GLRA3: variants seen among roughly 807,000 people sequenced by gnomAD.
The protein encoded by GLRA3 is glycine receptor subunit alpha-3.
A neutral mutation model predicts 60.4 loss-of-function variants in GLRA3; 44 were observed. The observed-to-expected ratio is 0.73, with a 90% CI of 0.57 to 0.94. The LOEUF is 0.94. Among genes scored for constraint, GLRA3 ranks in the 40% least tolerant of loss-of-function variants. The pLI, the probability that GLRA3 is intolerant of heterozygous loss-of-function variation, is 0.00. For synonymous variants in GLRA3, 223 were observed against 192.9 expected (o/e 1.16, Z -1.29); for missense variants, 508 against 564.6 (o/e 0.90, Z 1.02).
intron 2 of GLRA3, among the ~76,000 whole-genome samples, chr4:174,785,936 GTTTTTTTTTTT>G (rs752488665): frequency 6.8e-5 from 7 of 103,478 alleles, no homozygotes; most frequent in South Asian, 3.5e-4. Flanking sequence ...TGCCTGGCTA[GTTTTTTTTTTT>G]TTTTTTTTTT....
At chr4:174,724,390 T>C (rs915216850) in intron 4 of GLRA3, among the ~76,000 whole-genome samples, 1 of 152,102 alleles carries the variant, frequency 6.6e-6, no homozygotes, top group African/African-American at 2.4e-5. Flanking sequence ...CTCTTCCCAG[T>C]TAACATCAAG....
chr4:174,707,148 G>C (rs1212608250), intron 5 of GLRA3, among the ~76,000 whole-genome samples: 1 of 152,064 alleles, frequency 6.6e-6, no homozygotes, highest in African/African-American at 2.4e-5. Flanking sequence ...AAAAGCAATT[G>C]TTGATTTTTT....
chr4:174,764,740 C>A (rs1352804), intron 3 of GLRA3, among the ~76,000 whole-genome samples: 12,091 of 151,702 alleles, frequency 0.08, 836 homozygotes, highest in East Asian at 0.38. Flanking sequence ...AACAACTTAA[C>A]CAAGTGGGAG....
At chr4:174,672,519 T>C (rs1202104881) in intron 7 of GLRA3, among the ~76,000 whole-genome samples, 1 of 152,052 alleles carries the variant, frequency 6.6e-6, no homozygotes, top group Non-Finnish European at 1.5e-5. Context: ...AGCACAAGCC[T>C]TGCATGTTTC....
intron 1 of GLRA3, among the ~76,000 whole-genome samples, chr4:174,811,310 G>A (rs146294356): frequency 1.3e-5 from 2 of 151,764 alleles, no homozygotes; most frequent in East Asian, 3.9e-4. Flanking sequence ...AATTTGGAAG[G>A]TAAAATTTTC....
intron 2 of GLRA3, among the ~76,000 whole-genome samples, chr4:174,783,880 A>C (rs1485919375): frequency 6.6e-6 from 1 of 152,108 alleles, no homozygotes; most frequent in Non-Finnish European, 1.5e-5. Context: ...TGGTACTGTA[A>C]ACTAGTTCAA....
chr4:174,748,287 G>C (rs564592199), intron 3 of GLRA3, among the ~76,000 whole-genome samples: 72 of 152,280 alleles, frequency 4.7e-4, no homozygotes, highest in Non-Finnish European at 8.1e-4. Context: ...TGTCAAGAAA[G>C]TTTAAGCTTA....
chr4:174,738,550 A>T (rs992992901), intron 3 of GLRA3, among the ~76,000 whole-genome samples: 7 of 152,204 alleles, frequency 4.6e-5, no homozygotes, highest in Non-Finnish European at 8.8e-5. Flanking sequence ...GGAAATTCAT[A>T]TTTTGTTGAA....
intron 1 of GLRA3, among the ~76,000 whole-genome samples, chr4:174,817,804 G>A (rs553988520): frequency 1.9e-4 from 29 of 152,064 alleles, no homozygotes; most frequent in African/African-American, 6.7e-4. Context: ...ATGGGGTTTC[G>A]TCATGTTGGC....
rs142734066 is a variant in GLRA3 at position 174,798,997 on chromosome 4, G to A, written c.72-10054C>T. On this transcript the variant is annotated intron_variant, in intron 1 of 9. Transcript: ENST00000274093. ...ATAGCTAAAACTTGATGGGCTACTA[G>A]GATCTTGATTCTTGTCACTGTCAGC... 1.4e-4 allele frequency among the ~76,000 whole-genome samples: 22 copies of A among 152,218 alleles called. No homozygotes were observed. The East Asian group carries it at 4.2e-3, about 29-fold the overall frequency.
chr4:174,648,404 C>A (rs193226013), intron 9 of GLRA3, among the ~76,000 whole-genome samples: 225 of 152,260 alleles, frequency 1.5e-3, no homozygotes, highest in Non-Finnish European at 8.8e-5. Context: ...GTAGAGGTTG[C>A]AGTGAGCCAA....
At chr4:174,783,392 T>C (rs1327300442) in intron 2 of GLRA3, among the ~76,000 whole-genome samples, 18 of 131,584 alleles carry the variant, frequency 1.4e-4, no homozygotes, top group Non-Finnish European at 2.9e-4. Flanking sequence ...GCATTACCAT[T>C]CAGGACATAG....
At chr4:174,739,370 C>A (rs571846780) in intron 3 of GLRA3, among the ~76,000 whole-genome samples, 1 of 152,272 alleles carries the variant, frequency 6.6e-6, no homozygotes, top group East Asian at 1.9e-4. Context: ...AACTAATGAA[C>A]TGTTGCATTT....
At chr4:174,731,444 G>C (rs1428431943) in intron 3 of GLRA3, among the ~76,000 whole-genome samples, 1 of 152,050 alleles carries the variant, frequency 6.6e-6, no homozygotes, top group East Asian at 1.9e-4. Context: ...AGAAGAAAAA[G>C]GGCCTTGTAC....
chr4:174,759,207 T>A lies in GLRA3; in HGVS notation c.267+7756A>T, dbSNP rs1034060327. On this transcript the variant is annotated intron_variant, in intron 3 of 9. Transcript: ENST00000274093. ...TGACAGGAAGAAATTAACATGTTAC[T>A]ATTCCTAGGTGGTGTAATTATATGA... Among the ~76,000 whole-genome samples, 5 of 152,076 alleles carry A rather than the reference T, an allele frequency of 3.3e-5. No individual in the cohort carries two copies. The East Asian group carries it at 5.8e-4, about 18-fold the overall frequency.
At chr4:174,735,852 C>T (rs1449443284) in intron 3 of GLRA3, among the ~76,000 whole-genome samples, 2 of 152,092 alleles carry the variant, frequency 1.3e-5, no homozygotes, top group African/African-American at 4.8e-5. Context: ...CGCCTGGCCT[C>T]ATTTTGTATA....
At chr4:174,660,578 C>A (rs779634960) in intron 7 of GLRA3, among the ~76,000 whole-genome samples, 10 of 152,070 alleles carry the variant, frequency 6.6e-5, no homozygotes, top group Non-Finnish European at 1.0e-4. Flanking sequence ...GCTAATCTTC[C>A]CATGCATGGA....
intron 7 of GLRA3, among the ~76,000 whole-genome samples, chr4:174,672,516 G>A (rs1733947338): frequency 6.6e-6 from 1 of 152,028 alleles, no homozygotes; most frequent in Non-Finnish European, 1.5e-5. Context: ...CTGAGCACAA[G>A]CCTTGCATGT....
chr4:174,715,820 G>A (rs1735897381), intron 4 of GLRA3, among the ~76,000 whole-genome samples: 1 of 152,098 alleles, frequency 6.6e-6, no homozygotes, highest in South Asian at 2.1e-4. Context: ...GCCATTAAAA[G>A]TGCTGGCAAA....
Sources: gnomAD v4.1 joint callset for allele counts (sites outside exome capture counted in the v4.1 genomes callset) on GRCh38, gnomAD v4.1.1 for gene constraint, MANE v1.5 for transcripts, NCBI Gene and HGNC (gene_info 2026-07-23, HGNC 2026-07-21) for gene names.